Variants in ARC observed in about 807,000 individuals in gnomAD.
The protein encoded by ARC is activity-regulated cytoskeleton-associated protein.
A neutral mutation model predicts 20.0 loss-of-function variants in ARC; 10 were observed. The observed-to-expected ratio is 0.50, with a 90% CI of 0.31 to 0.85. ARC has a LOEUF of 0.85. Among genes scored for constraint, ARC ranks in the 40% least tolerant of loss-of-function variants. ARC has a pLI of 0.05. For missense variants in ARC, 454 were observed against 555.5 expected, an observed-to-expected ratio of 0.82 and a Z score of 1.84; for synonymous variants, 269 against 254.1, an observed-to-expected ratio of 1.06 and a Z score of -0.56.
chr8:142,613,162 G>A lies in ARC; in HGVS notation c.1110C>T (p.Leu370=). 6.2e-7 allele frequency: 1 copy of A among 1,608,170 alleles called. No homozygotes were observed. The highest frequency in any genetic ancestry group is 8.5e-7 in the Non-Finnish European group (1 of 1,177,980). ...EQAAEPAGPH[L]PVEDEAETLT... ...GGGTCTCCGCCTCATCCTCCACCGG[G>A]AGGTGGGGGCCGGCCGGCTCGGCCG... Residue 370 remains leucine (L), a synonymous_variant, in exon 1 of 3, where the codon CTC becomes CTT. Transcript: ENST00000356613.
At position 142,612,766 on chromosome 8, in the gene ARC, G is replaced by A. The variant is rs1329237144; in HGVS notation, c.*315C>T. ...CACTTGGTTTTCTGGATGTCCAGAGGGCCTGGGTGTTGTAGCAGAATGAGG... is the reference window on the plus strand; with the variant it reads ...CACTTGGTTTTCTGGATGTCCAGAGAGCCTGGGTGTTGTAGCAGAATGAGG... On this transcript the variant is annotated 3_prime_UTR_variant, in exon 1 of 3. Transcript: ENST00000356613. 5.6e-6 allele frequency: 2 copies of A among 355,936 alleles called. No individual in the cohort carries two copies. The highest frequency in any genetic ancestry group is 4.1e-5 in the African/African-American group (2 of 48,904). The allele number at this position is 355,936 out of a possible 1,614,324, so 22.0% of individuals were successfully genotyped here.
In ARC at chr8:142,611,602, G is replaced by C. The variant is rs972085938; in HGVS notation, c.*998C>G. ...GCGGGGTTTCCCTGCTGGGAGGGAG[G>C]CAGGGCCCGACTCCTGCTGCAGTGG... On this transcript the variant is annotated 3_prime_UTR_variant, in exon 3 of 3. Transcript: ENST00000356613. 6.6e-6 allele frequency: 1 copy of C among 152,358 alleles called. No homozygotes were observed. The highest frequency in any genetic ancestry group is 1.5e-5 in the Non-Finnish European group (1 of 68,132). The allele number at this position is 152,358 out of a possible 1,614,324, so 9.4% of individuals were successfully genotyped here. A position where few individuals can be genotyped will look rare whatever the true frequency, so the allele number is the denominator to read the frequency against.
chr8:142,613,104 T>G lies in ARC; in HGVS notation c.1168A>C (p.Ser390Arg). ...CTCTACTCGGGCTGGGTCCGGTCAC[T>G]GGCCACGGACTCGCTGTTGGGGGCG... The part of the protein sequence containing the change: ...TPAPNSESVA[S>R]DRTQPE The change falls in exon 1 of 3, where the codon AGT (serine) becomes CGT (arginine). Residue 390 changes from serine (S) to arginine (R), a missense_variant. Transcript: ENST00000356613. 1 of 1,555,536 alleles carries G rather than the reference T, an allele frequency of 6.4e-7. No homozygotes were observed. The highest frequency in any genetic ancestry group is 1.8e-5 in the Admixed American group (1 of 55,636).
Position 142,614,326 on chromosome 8 carries a change from T to G in ARC, c.-55A>C. Reference sequence around the variant, plus strand: ...ACTCCTCGGGGCGGACAGAGGGTGGTCCGGCGCTGGGGTCCGGCGGCCTGG... The same window carrying G: ...ACTCCTCGGGGCGGACAGAGGGTGGGCCGGCGCTGGGGTCCGGCGGCCTGG... On this transcript the variant is annotated 5_prime_UTR_variant, in exon 1 of 3. Transcript: ENST00000356613. 7.7e-7 allele frequency: 1 copy of G among 1,307,084 alleles called. No individual in the cohort carries two copies. The highest frequency in any genetic ancestry group is 2.2e-5 in the South Asian group (1 of 45,006). 81.0% of individuals were successfully genotyped at this position (1,307,084 alleles called of 1,614,324 possible). A position where few individuals can be genotyped will look rare whatever the true frequency, so the allele number is the denominator to read the frequency against.
chr8:142,613,440 T>A lies in ARC; in HGVS notation c.832A>T (p.Thr278Ser). Residue 278 changes from threonine to serine, a missense_variant, in exon 1 of 3, where the codon ACG becomes TCG. Physicochemically the swap from Thr to Ser is moderately conservative, Grantham distance 58. Transcript: ENST00000356613. ...CGCTGGATGGCCTCTCGGGACAGCG[T>A]GCCCTCGCTGTACTGCAGGAACTCC... The part of the protein sequence containing the change: ...KKEFLQYSEG[T>S]LSREAIQREL... The A allele has an allele frequency of 6.2e-7, 1 of 1,612,882 alleles. No individual in the cohort carries two copies.
Position 142,612,808 on chromosome 8 carries a change from T to C in ARC, c.*273A>G, listed in dbSNP as rs1846266457. 2 of 458,056 alleles carry C rather than the reference T, an allele frequency of 4.4e-6. No individual in the cohort carries two copies. Among genetic ancestry groups the C allele is most frequent in the Non-Finnish European group, 7.8e-6 (2 of 257,746 alleles). The allele number at this position is 458,056 out of a possible 1,614,324, so 28.4% of individuals were successfully genotyped here. ...AGAATGAGGAAGCTGGGGTGTTCTGTGATGGCCTGAGAGTGTGGAGGGTGG... is the reference window on the plus strand; with the variant it reads ...AGAATGAGGAAGCTGGGGTGTTCTGCGATGGCCTGAGAGTGTGGAGGGTGG... On this transcript the variant is annotated 3_prime_UTR_variant, in exon 1 of 3. Coordinates refer to ENST00000356613, the MANE Select transcript of ARC (RefSeq NM_015193.5).
Position 142,614,372 on chromosome 8 carries a change from G to A in ARC, c.-101C>T. The A allele has an allele frequency of 9.4e-7, 1 of 1,064,108 alleles. No homozygotes were observed. 65.9% of individuals were successfully genotyped at this position (1,064,108 alleles called of 1,614,324 possible). On this transcript the variant is annotated 5_prime_UTR_variant, in exon 1 of 3. Transcript: ENST00000356613. ...CCTGGGTCCCGTGCGGAGCTGCGGGGAGCGCCTGTCTGTCGCTGCGGGCCG... is the reference window on the plus strand; with the variant it reads ...CCTGGGTCCCGTGCGGAGCTGCGGGAAGCGCCTGTCTGTCGCTGCGGGCCG...
At position 142,612,849 on chromosome 8, in the gene ARC, G is replaced by T. The variant is rs1304711510; in HGVS notation, c.*232C>A. 7.8e-6 allele frequency: 4 copies of T among 511,534 alleles called. No individual in the cohort carries two copies. Among genetic ancestry groups the T allele is most frequent in the Non-Finnish European group, 1.4e-5 (4 of 288,654 alleles). 31.7% of individuals were successfully genotyped at this position (511,534 alleles called of 1,614,324 possible). A position where few individuals can be genotyped will look rare whatever the true frequency, so the allele number is the denominator to read the frequency against. On this transcript the variant is annotated 3_prime_UTR_variant, in exon 1 of 3. Transcript: ENST00000356613. ...TGGAGGGTGGGGTCCAGGCCGGAAA[G>T]ACAGACGGAGGGAGGGTGATGGGTG...
chr8:142,614,174 T>C lies in ARC; in HGVS notation c.98A>G (p.Lys33Arg). Residue 33 changes from lysine (K) to arginine (R), a missense_variant, in exon 1 of 3, where the codon AAG becomes AGG. Physicochemically the swap from Lys to Arg is conservative, Grantham distance 26. Coordinates refer to ENST00000356613, the MANE Select transcript of ARC (RefSeq NM_015193.5). ...GTGCTCCAGCATCTCGGCCCGGCAC[T>C]TCCCGATCTGCAGGATCACGTTGGG... is the stretch of plus-strand genomic sequence containing the variant. ...AKPNVILQIG[K>R]CRAEMLEHVR... The C allele has an allele frequency of 6.4e-7, 1 of 1,573,144 alleles. No individual in the cohort carries two copies. The highest frequency in any genetic ancestry group is 8.6e-7 in the Non-Finnish European group (1 of 1,161,650).
rs776707820 is a variant in ARC at position 142,613,268 on chromosome 8, C to A, written c.1004G>T (p.Arg335Leu). 4 of 1,613,614 alleles carry A rather than the reference C, an allele frequency of 2.5e-6. No homozygotes were observed. The highest frequency in any genetic ancestry group is 3.4e-6 in the Non-Finnish European group (4 of 1,179,978). ...VVGTLQPKLKRFLRHPLPKTL... is the reference protein window; with the variant it reads ...VVGTLQPKLKLFLRHPLPKTL... ...CTTGGGCAGGGGGTGGCGCAGGAAA[C>A]GCTTGAGCTTGGGCTGCAGGGTGCC... Residue 335 changes from arginine (R) to leucine (L), a missense_variant, in exon 1 of 3, where the codon CGT becomes CTT. Arg to Leu is a moderately radical substitution (Grantham distance 102). Around this residue, in one of 3 missense-constraint regions of ARC, gnomAD observed 117 missense variants for 194.4 expected, o/e 0.60. Coordinates refer to ENST00000356613, the MANE Select transcript of ARC (RefSeq NM_015193.5).
At position 142,613,070 on chromosome 8, in the gene ARC, C is replaced by T. The variant is rs746990487; in HGVS notation, c.*11G>A. 5.4e-6 allele frequency: 8 copies of T among 1,491,680 alleles called. No individual in the cohort carries two copies. The highest frequency in any genetic ancestry group is 2.4e-5 in the East Asian group (1 of 42,070). 92.4% of individuals were successfully genotyped at this position (1,491,680 alleles called of 1,614,324 possible). A position where few individuals can be genotyped will look rare whatever the true frequency, so the allele number is the denominator to read the frequency against. ...GATGTAGTGGGCAGGCTGGGGGCTC[C>T]GGGATGCCCTCTACTCGGGCTGGGT... On this transcript the variant is annotated 3_prime_UTR_variant, in exon 1 of 3. Coordinates refer to ENST00000356613, the MANE Select transcript of ARC (RefSeq NM_015193.5).
Position 142,614,137 on chromosome 8 carries a change from C to G in ARC, c.135G>C (p.Thr45=), listed in dbSNP as rs1185835653. 1 of 1,585,680 alleles carries G rather than the reference C, an allele frequency of 6.3e-7. No homozygotes were observed. The highest frequency in any genetic ancestry group is 2.3e-5 in the East Asian group (1 of 44,102). ...RAEMLEHVRR[T]HRHLLAEVSK... is the part of the protein sequence containing the mutation. ...ACACCTCGGCCAGCAGGTGCCGGTG[C>G]GTCCGCCGCACGTGCTCCAGCATCT... is the stretch of plus-strand genomic sequence containing the variant. The change falls in exon 1 of 3, where the codon ACG becomes ACC. Residue 45 remains threonine (T), a synonymous_variant. Transcript: ENST00000356613.
rs1372504701 is a variant in ARC, at chr8:142,613,785, C to T, written c.487G>A (p.Asp163Asn). Residue 163 changes from aspartate to asparagine, a missense_variant, in exon 1 of 3, where the codon GAC (aspartate) becomes AAC (asparagine). Physicochemically the swap from Asp to Asn is conservative, Grantham distance 23. Coordinates refer to ENST00000356613, the MANE Select transcript of ARC (RefSeq NM_015193.5). Reference protein sequence around the residue: ...GGPESYCHEADGYDYTVSPYA... With the variant: ...GGPESYCHEANGYDYTVSPYA... The stretch of plus-strand genomic sequence containing the variant: ...GGGCTGACGGTGTAGTCGTAGCCGT[C>T]TGCCTCGTGGCAGTAGCTCTCGGGA... The T allele has an allele frequency of 6.4e-7, 1 of 1,551,850 alleles. No individual in the cohort carries two copies. Among genetic ancestry groups the T allele is most frequent in the Non-Finnish European group, 8.7e-7 (1 of 1,155,530 alleles).
Position 142,614,321 on chromosome 8 carries a change from G to GAC in ARC, c.-51_-50insGT. The GAC allele has an allele frequency of 7.6e-7, 1 of 1,316,658 alleles. No individual in the cohort carries two copies. Among genetic ancestry groups the GAC allele is most frequent in the South Asian group, 2.1e-5 (1 of 46,602 alleles). The allele number at this position is 1,316,658 out of a possible 1,614,324, so 81.6% of individuals were successfully genotyped here. A position where few individuals can be genotyped will look rare whatever the true frequency, so the allele number is the denominator to read the frequency against. On this transcript the variant is annotated 5_prime_UTR_variant, in exon 1 of 3. Transcript: ENST00000356613. ...GGCAAACTCCTCGGGGCGGACAGAG[G>GAC]GTGGTCCGGCGCTGGGGTCCGGCGG...
rs1587492195 is a variant in ARC, at chr8:142,614,412, G to A, written c.-141C>T. Reference sequence around the variant, plus strand: ...GCTGCGGGCCGGCGGCGGGGCCGGCGGAGCACGCCCGGGGAGGCAGGTCCG... The same window carrying A: ...GCTGCGGGCCGGCGGCGGGGCCGGCAGAGCACGCCCGGGGAGGCAGGTCCG... On this transcript the variant is annotated 5_prime_UTR_variant, in exon 1 of 3. Coordinates refer to ENST00000356613, the MANE Select transcript of ARC (RefSeq NM_015193.5). 1 of 695,870 alleles carries A rather than the reference G, an allele frequency of 1.4e-6. No individual in the cohort carries two copies. Among genetic ancestry groups the A allele is most frequent in the East Asian group, 3.5e-5 (1 of 28,252 alleles). The allele number at this position is 695,870 out of a possible 1,614,324, so 43.1% of individuals were successfully genotyped here.
Position 142,613,065 on chromosome 8 carries a change from G to A in ARC, c.*16C>T. Reference sequence around the variant, plus strand: ...GGCTGGATGTAGTGGGCAGGCTGGGGGCTCCGGGATGCCCTCTACTCGGGC... The same window carrying A: ...GGCTGGATGTAGTGGGCAGGCTGGGAGCTCCGGGATGCCCTCTACTCGGGC... On this transcript the variant is annotated 3_prime_UTR_variant, in exon 1 of 3. Coordinates refer to ENST00000356613, the MANE Select transcript of ARC (RefSeq NM_015193.5). The A allele has an allele frequency of 2.0e-6, 3 of 1,482,858 alleles. No individual in the cohort carries two copies. Among genetic ancestry groups the A allele is most frequent in the Non-Finnish European group, 2.7e-6 (3 of 1,117,372 alleles). The allele number at this position is 1,482,858 out of a possible 1,614,324, so 91.9% of individuals were successfully genotyped here. A position where few individuals can be genotyped will look rare whatever the true frequency, so the allele number is the denominator to read the frequency against.
rs202009326 is a variant in ARC, at chr8:142,613,260, G to A, written c.1012C>T (p.Arg338Cys). The change falls in exon 1 of 3, where the codon CGC (arginine) becomes TGC (cysteine). Residue 338 changes from arginine to cysteine, a missense_variant. Physicochemically the swap from Arg to Cys is radical, Grantham distance 180. Transcript: ENST00000356613. ...TLQPKLKRFL[R>C]HPLPKTLEQL... Reference sequence around the variant, plus strand: ...TCCAGGGTCTTGGGCAGGGGGTGGCGCAGGAAACGCTTGAGCTTGGGCTGC... The same window carrying A: ...TCCAGGGTCTTGGGCAGGGGGTGGCACAGGAAACGCTTGAGCTTGGGCTGC... The A allele has an allele frequency of 1.4e-5, 23 of 1,613,422 alleles. No homozygotes were observed. The highest frequency in any genetic ancestry group is 1.6e-4 in the Middle Eastern group (1 of 6,084).
At position 142,613,471 on chromosome 8, in the gene ARC, G is replaced by C; in HGVS notation, c.801C>G (p.Phe267Leu). 6.2e-7 allele frequency: 1 copy of C among 1,613,292 alleles called. No individual in the cohort carries two copies. Among genetic ancestry groups the C allele is most frequent in the Non-Finnish European group, 8.5e-7 (1 of 1,179,942 alleles). Reference protein sequence around the residue: ...KQGSVKNWVEFKKEFLQYSEG... With the variant: ...KQGSVKNWVELKKEFLQYSEG... ...CGCTGTACTGCAGGAACTCCTTCTT[G>C]AACTCCACCCAGTTCTTCACGGAGC... The change falls in exon 1 of 3, where the codon TTC becomes TTG. Residue 267 changes from phenylalanine to leucine, a missense_variant. Phe to Leu is a conservative substitution (Grantham distance 22). This residue lies in a region of ARC where 117 missense variants were observed against 194.4 expected (regional missense o/e 0.60). Coordinates refer to ENST00000356613, the MANE Select transcript of ARC (RefSeq NM_015193.5).
Position 142,612,735 on chromosome 8 carries a change from T to A in ARC, c.*346A>T, listed in dbSNP as rs896769569. On this transcript the variant is annotated 3_prime_UTR_variant, in exon 1 of 3. Transcript: ENST00000356613. ...GCTTGGTGGCCGCTGGCCCCTGCCA[T>A]CCGGACACTTGGTTTTCTGGATGTC... The A allele has an allele frequency of 8.7e-5, 24 of 274,398 alleles. No individual in the cohort carries two copies. The highest frequency in any genetic ancestry group is 1.5e-4 in the Non-Finnish European group (22 of 144,502). 17.0% of individuals were successfully genotyped at this position (274,398 alleles called of 1,614,324 possible). A position where few individuals can be genotyped will look rare whatever the true frequency, so the allele number is the denominator to read the frequency against.
Sources: gnomAD v4.1 joint callset for allele counts on GRCh38, gnomAD v4.1.1 for gene constraint, gnomAD v4.1.1 regional missense constraint, MANE v1.5 for transcripts, NCBI Gene and HGNC (gene_info 2026-07-23, HGNC 2026-07-21) for gene names.